Variants in LRRC34 observed in about 807,000 individuals in gnomAD.
The protein encoded by LRRC34 is leucine rich repeat containing 34, also known as leucine-rich repeat-containing protein 34.
A neutral mutation model predicts 48.5 loss-of-function variants in LRRC34; 44 were observed. The observed-to-expected ratio is 0.91, with a 90% CI of 0.71 to 1.17. The LOEUF is 1.17. Ranked by LOEUF, LRRC34 falls within the 50% of genes most tolerant of loss-of-function variation. The pLI is 0.00. For synonymous variants in LRRC34, 192 were observed against 197.6 expected (o/e 0.97, Z 0.24); for missense variants, 502 against 563.0 (o/e 0.89, Z 1.10).
chr3:169,796,365 T>G lies in LRRC34; in HGVS notation c.913A>C (p.Lys305Gln). ...SLRYLDVSCN[K>Q]ITHDGMVYLA... ...TACACCATTCCATCATGAGTTATTTTGTTGCTGGCAAAGGAAAAATAGTTA... is the reference window on the plus strand; with the variant it reads ...TACACCATTCCATCATGAGTTATTTGGTTGCTGGCAAAGGAAAAATAGTTA... Residue 305 changes from lysine to glutamine, a missense_variant, in exon 9 of 11, where the codon AAA becomes CAA. Coordinates refer to ENST00000446859, the MANE Select transcript of LRRC34 (RefSeq NM_001172779.2). The G allele has an allele frequency of 1.3e-6, 2 of 1,599,128 alleles. No homozygotes were observed. Among genetic ancestry groups the G allele is most frequent in the South Asian group, 1.2e-5 (1 of 86,806 alleles).
chr3:169,800,632 T>C (rs1779153972), intron 7 of LRRC34, 27 bp downstream of exon 7: 1 of 1,385,670 alleles, frequency 7.2e-7, no homozygotes, highest in Admixed American at 2.1e-5. Flanking sequence ...TGTTGTTATA[T>C]TAACTACCAT....
Position 169,796,245 on chromosome 3 carries a change from T to TAG in LRRC34, c.1032_1033insCT (p.Thr345LeufsTer15), listed in dbSNP as rs1778983655. On this transcript the variant is annotated frameshift_variant, in exon 9 of 11. Coordinates refer to ENST00000446859, the MANE Select transcript of LRRC34 (RefSeq NM_001172779.2). LOFTEE classifies it high-confidence loss of function. The stretch of plus-strand genomic sequence containing the variant: ...AGACTCCTGTTGTGTGAAGTAAGAG[T>TAG]TTCACTGAGATAGTTTGCGCCTGCA... 3.7e-6 allele frequency: 6 copies of TAG among 1,611,092 alleles called. No individual in the cohort carries two copies. The highest frequency in any genetic ancestry group is 5.1e-6 in the Non-Finnish European group (6 of 1,179,122).
At chr3:169,801,219 T>C (rs113211224) in intron 6 of LRRC34, among the ~76,000 whole-genome samples, 2,179 of 152,280 alleles carry the variant, frequency 0.014, 19 homozygotes, top group Middle Eastern at 0.027. Flanking sequence ...GGGCCTAGTC[T>C]CCCCATATCC....
intron 10 of LRRC34, chr3:169,794,304 T>C (rs1778906861): frequency 6.4e-6 from 1 of 156,726 alleles, no homozygotes; most frequent in Non-Finnish European, 1.4e-5. Flanking sequence ...CATACAATTA[T>C]ATAGAGTTCA....
chr3:169,795,626 T>C lies in LRRC34; in HGVS notation c.1065-15A>G, dbSNP rs1483089258. The stretch of plus-strand genomic sequence containing the variant: ...CTACTGACAACCTGAAACCAATAAT[T>C]CCACAAGGAAAGAATACAAAAATTA... On this transcript the variant is annotated splice_polypyrimidine_tract_variant and intron_variant, in intron 9 of 10. Transcript: ENST00000446859. The C allele has an allele frequency of 4.4e-6, 7 of 1,603,500 alleles. No individual in the cohort carries two copies. Among genetic ancestry groups the C allele is most frequent in the Middle Eastern group, 1.7e-4 (1 of 6,012 alleles).
chr3:169,811,806 G>A (rs1386939861), intron 1 of LRRC34, among the ~76,000 whole-genome samples: 1 of 152,204 alleles, frequency 6.6e-6, no homozygotes, highest in East Asian at 1.9e-4. Context: ...GCTAAAGGCA[G>A]AGCCTAACAC....
chr3:169,811,906 G>A (rs1338855012), intron 1 of LRRC34, among the ~76,000 whole-genome samples: 2 of 152,154 alleles, frequency 1.3e-5, no homozygotes. Context: ...ATATAAAACG[G>A]AAATGGCGGG....
At chr3:169,807,548 C>T in intron 3 of LRRC34, 40 bp downstream of exon 3, 3 of 1,611,904 alleles carry the variant, frequency 1.9e-6, no homozygotes, top group Middle Eastern at 1.7e-4. Flanking sequence ...AAAATCAGAT[C>T]AATGAAAAGC....
At chr3:169,794,921 A>G (rs569960654) in intron 10 of LRRC34, 1 of 152,260 alleles carries the variant, frequency 6.6e-6, no homozygotes, top group East Asian at 1.9e-4. Context: ...GTTTTTCTAA[A>G]AGTAAGGGTT....
chr3:169,807,450 T>G lies in LRRC34; in HGVS notation c.420A>C (p.Ala140=). ...CCTGAAGCAGTTTCGCAGCATAGTA[T>G]GCACCAACATCACATAGAAGGTTAT... ...VGYNLLCDVG[A]YYAAKLLQKQ... The change falls in exon 4 of 11, where the codon GCA becomes GCC. Residue 140 remains alanine, a synonymous_variant. Coordinates refer to ENST00000446859, the MANE Select transcript of LRRC34 (RefSeq NM_001172779.2). The G allele has an allele frequency of 6.2e-7, 1 of 1,614,018 alleles. No individual in the cohort carries two copies. Among genetic ancestry groups the G allele is most frequent in the Non-Finnish European group, 8.5e-7 (1 of 1,179,954 alleles).
At chr3:169,794,465 T>C (rs1175172819) in intron 10 of LRRC34, 1 of 151,434 alleles carries the variant, frequency 6.6e-6, no homozygotes, top group Non-Finnish European at 1.5e-5. Context: ...CAAGCTGGAG[T>C]GCAGTGGCAC....
intron 2 of LRRC34, 151 bp from the exon 3 acceptor site, chr3:169,807,860 A>G: frequency 1.0e-6 from 1 of 958,876 alleles, no homozygotes; most frequent in Non-Finnish European, 1.5e-6. Context: ...CTTATACAGT[A>G]TATTTATACC....
intron 2 of LRRC34, among the ~76,000 whole-genome samples, chr3:169,808,235 AC>A (rs1215500116): frequency 2.0e-5 from 3 of 150,864 alleles, no homozygotes; most frequent in Non-Finnish European, 4.4e-5. Context: ...AATTGCTTGA[AC>A]CCAGGAGGCT....
chr3:169,803,875 CTA>C, intron 6 of LRRC34, 176 bp downstream of exon 6: 1 of 425,618 alleles, frequency 2.3e-6, no homozygotes, highest in Non-Finnish European at 4.0e-6. Flanking sequence ...AAGTATTTTT[CTA>C]TGTTATTTAC....
chr3:169,811,779 C>G (rs1779580262), intron 1 of LRRC34, among the ~76,000 whole-genome samples: 1 of 152,202 alleles, frequency 6.6e-6, no homozygotes, highest in Non-Finnish European at 1.5e-5. Flanking sequence ...GTTATGCCAG[C>G]TTAAATTTCC....
At position 169,812,445 on chromosome 3, in the gene LRRC34, G is replaced by C. The variant is rs1379453836; in HGVS notation, c.104C>G (p.Ala35Gly). 1.3e-6 allele frequency: 2 copies of C among 1,532,144 alleles called. No individual in the cohort carries two copies. Among genetic ancestry groups the C allele is most frequent in the Non-Finnish European group, 1.7e-6 (2 of 1,145,844 alleles). 94.9% of individuals were successfully genotyped at this position (1,532,144 alleles called of 1,614,324 possible). A position where few individuals can be genotyped will look rare whatever the true frequency, so the allele number is the denominator to read the frequency against. Residue 35 changes from alanine (A) to glycine (G), a missense_variant, in exon 1 of 11, where the codon GCC becomes GGC. Transcript: ENST00000446859. This position sits in a 1 kb window ranked among gnomAD's most constrained non-coding sequence, Gnocchi z 4.3. ...ARSPAWASTQ[A>G]STPGAALAVQ... Reference sequence around the variant, plus strand: ...CGCCAGGGCCGCGCCCGGAGTACTGGCCTGAGTGGAGGCCCAAGCCGGGGA... The same window carrying C: ...CGCCAGGGCCGCGCCCGGAGTACTGCCCTGAGTGGAGGCCCAAGCCGGGGA...
chr3:169,808,496 C>A, intron 2 of LRRC34, 132 bp downstream of exon 2: 1 of 582,280 alleles, frequency 1.7e-6, no homozygotes, highest in Non-Finnish European at 3.1e-6. Context: ...TACTTACTTA[C>A]CTGAATCAAA....
rs1414292390 is a variant in LRRC34, at chr3:169,808,628, C to T, written c.257G>A (p.Gly86Glu). ...LQEVDEEIKK[G>E]LAAGITLNIA... is the part of the protein sequence containing the mutation. ...GTAATCAAGTATTTGTCTTTCTTACCCCTTTTTAATTTCTTCATCCACTTC... is the reference window on the plus strand; with the variant it reads ...GTAATCAAGTATTTGTCTTTCTTACTCCTTTTTAATTTCTTCATCCACTTC... The change falls in exon 2 of 11, where the codon GGG becomes GAG. Residue 86 changes from glycine (G) to glutamate (E), a missense_variant and splice_region_variant. Coordinates refer to ENST00000446859, the MANE Select transcript of LRRC34 (RefSeq NM_001172779.2). 7.1e-7 allele frequency: 1 copy of T among 1,403,420 alleles called. No individual in the cohort carries two copies. Among genetic ancestry groups the T allele is most frequent in the African/African-American group, 1.4e-5 (1 of 69,178 alleles). 86.9% of individuals were successfully genotyped at this position (1,403,420 alleles called of 1,614,324 possible). A position where few individuals can be genotyped will look rare whatever the true frequency, so the allele number is the denominator to read the frequency against.
chr3:169,807,263 C>G (rs1779411011), intron 4 of LRRC34, among the ~76,000 whole-genome samples, 163 bp downstream of exon 4: 1 of 152,152 alleles, frequency 6.6e-6, no homozygotes, highest in Non-Finnish European at 1.5e-5. Flanking sequence ...GCTACTGGCT[C>G]CATTGAGACC....
Sources: gnomAD v4.1 joint callset for allele counts (sites outside exome capture counted in the v4.1 genomes callset) on GRCh38, gnomAD v4.1.1 for gene constraint, Gnocchi (gnomAD v3.1) non-coding constraint, MANE v1.5 for transcripts, NCBI Gene and HGNC (gene_info 2026-07-23, HGNC 2026-07-21) for gene names.